The following NALCN variants were observed in gnomAD, a reference collection of about 807,000 sequenced individuals.
The protein encoded by NALCN is sodium leak channel NALCN.
NALCN carries 111 observed loss-of-function variants against 225.3 expected under a neutral mutation model. The ratio of observed to expected loss-of-function variants is 0.49; its 90% CI spans 0.42 to 0.58. NALCN has a LOEUF of 0.58. Ranked by LOEUF, NALCN falls within the 20% of genes least tolerant of loss-of-function variation. The pLI is 0.00. For synonymous variants in NALCN, 764 were observed against 769.0 expected (o/e 0.99, Z 0.11); for missense variants, 1,378 against 2,202.4 (o/e 0.63, Z 7.49).
intron 13 of NALCN, among the ~76,000 whole-genome samples, chr13:101,222,337 A>C (rs1452341698): frequency 6.6e-6 from 1 of 152,112 alleles, no homozygotes; most frequent in East Asian, 1.9e-4. Context: ...TGCAAGCCTT[A>C]CATTTAACCC....
intron 7 of NALCN, among the ~76,000 whole-genome samples, chr13:101,335,880 A>G (rs1364750793): frequency 1.3e-5 from 2 of 152,122 alleles, no homozygotes; most frequent in Non-Finnish European, 2.9e-5. Context: ...CTGATATCAC[A>G]TATGGTAGCA....
At chr13:101,404,755 A>C (rs570657179) in intron 1 of NALCN, among the ~76,000 whole-genome samples, 3 of 152,328 alleles carry the variant, frequency 2.0e-5, no homozygotes, top group African/African-American at 7.2e-5. Flanking sequence ...TTCTGTGAAC[A>C]TCATCCTCTG....
At chr13:101,369,115 T>C (rs2046464420) in intron 6 of NALCN, 1 of 231,580 alleles carries the variant, frequency 4.3e-6, no homozygotes, top group Admixed American at 5.7e-5. Flanking sequence ...TAGTTAAGCA[T>C]TTTCTTCTTA....
At chr13:101,349,555 G>T (rs1175576834) in intron 6 of NALCN, among the ~76,000 whole-genome samples, 3 of 152,186 alleles carry the variant, frequency 2.0e-5, no homozygotes, top group Non-Finnish European at 4.4e-5. Context: ...GTTGGAGAGA[G>T]ATGTGAGTAT....
In NALCN at chr13:101,121,954, C is replaced by CT. The variant is rs34912854; in HGVS notation, c.2192+2653dup. Among the ~76,000 whole-genome samples the CT allele has an allele frequency of 9.4e-3, 1,387 of 146,872 alleles. 19 individuals are homozygous for CT. The highest frequency in any genetic ancestry group is 0.032 in the African/African-American group (1,291 of 40,274). On this transcript the variant is annotated intron_variant, in intron 18 of 43. Transcript: ENST00000251127. ...TCCTGAGGTTACTGCAAATGTTTTCCTTTTTTTTTTTTTTAAAAAAAATTC... is the reference window on the plus strand; with the variant it reads ...TCCTGAGGTTACTGCAAATGTTTTCCTTTTTTTTTTTTTTTAAAAAAAATTC...
In NALCN at chr13:101,334,369, GA is replaced by G. The variant is rs879727232; in HGVS notation, c.799+10896del. ...GAGTCACAGGAGATGGGGGTAGGGG[GA>G]GCGGTAGGAGAGAGGCAATCCAGGA... is the stretch of plus-strand genomic sequence containing the variant. On this transcript the variant is annotated intron_variant, in intron 7 of 43. Transcript: ENST00000251127. Among the ~76,000 whole-genome samples, 442 of 81,240 alleles carry G rather than the reference GA, an allele frequency of 5.4e-3. 5 individuals carry two copies. The highest frequency in any genetic ancestry group is 5.7e-3 in the Non-Finnish European group (248 of 43,540). 53.3% of individuals were successfully genotyped at this position (81,240 alleles called of 152,430 possible).
intron 43 of NALCN, 109 bp downstream of exon 43, chr13:101,057,830 C>T: frequency 3.5e-6 from 3 of 853,498 alleles, no homozygotes; most frequent in Non-Finnish European, 6.0e-6. Flanking sequence ...TGTCTGTAAA[C>T]AACTGTAGAT....
chr13:101,159,830 C>T (rs750774326), intron 15 of NALCN, among the ~76,000 whole-genome samples: 4 of 151,980 alleles, frequency 2.6e-5, no homozygotes, highest in African/African-American at 4.8e-5. Flanking sequence ...GAGGGCACAC[C>T]GGATCTAAAG....
At chr13:101,163,629 G>A (rs909098592) in intron 15 of NALCN, among the ~76,000 whole-genome samples, 2 of 152,086 alleles carry the variant, frequency 1.3e-5, no homozygotes, top group Non-Finnish European at 2.9e-5. Flanking sequence ...GCAGGCTGGC[G>A]TAGGATTCCA....
At chr13:101,087,000 T>A (rs2033964911) in intron 30 of NALCN, among the ~76,000 whole-genome samples, 1 of 152,160 alleles carries the variant, frequency 6.6e-6, no homozygotes, top group South Asian at 2.1e-4. Context: ...AAAGTTGAAC[T>A]CTGAAAGGAT....
At chr13:101,068,055 A>C (rs961350506) in intron 38 of NALCN, 22 bp from the exon 39 acceptor site, 1 of 1,406,448 alleles carries the variant, frequency 7.1e-7, no homozygotes. Flanking sequence ...AGAAAAATTC[A>C]GAAGTTAGAC....
At chr13:101,299,234 A>G (rs189054189) in intron 7 of NALCN, among the ~76,000 whole-genome samples, 2 of 152,326 alleles carry the variant, frequency 1.3e-5, no homozygotes, top group African/African-American at 4.8e-5. Context: ...ATGACTGTAT[A>G]CATGCATATC....
chr13:101,216,580 AT>A (rs2040740905), intron 13 of NALCN, among the ~76,000 whole-genome samples: 1 of 152,188 alleles, frequency 6.6e-6, no homozygotes, highest in Non-Finnish European at 1.5e-5. Flanking sequence ...CAGAACAAAA[AT>A]TAAAGATTTC....
chr13:101,189,559 G>A (rs1004568586), intron 14 of NALCN, among the ~76,000 whole-genome samples: 6 of 152,158 alleles, frequency 3.9e-5, no homozygotes, highest in Admixed American at 6.6e-5. Context: ...AGAGAGATCA[G>A]GGAAGTTATG....
chr13:101,311,678 G>C (rs1316070463), intron 7 of NALCN, among the ~76,000 whole-genome samples: 1 of 152,158 alleles, frequency 6.6e-6, no homozygotes, highest in African/African-American at 2.4e-5. Flanking sequence ...ATTTGCGTAT[G>C]TTGAACCAGC....
At chr13:101,295,853 T>G (rs2043733163) in intron 7 of NALCN, among the ~76,000 whole-genome samples, 1 of 152,238 alleles carries the variant, frequency 6.6e-6, no homozygotes, top group African/African-American at 2.4e-5. Flanking sequence ...TTGCCAAACA[T>G]AGCAAAAGAA....
At chr13:101,076,596 T>A (rs2033268481) in intron 34 of NALCN, among the ~76,000 whole-genome samples, 2 of 152,186 alleles carry the variant, frequency 1.3e-5, no homozygotes, top group Admixed American at 6.5e-5. Context: ...CCTAGCCAAA[T>A]GATGACAGTC....
chr13:101,356,178 C>T (rs989743756), intron 6 of NALCN, among the ~76,000 whole-genome samples: 1 of 151,856 alleles, frequency 6.6e-6, no homozygotes, highest in Non-Finnish European at 1.5e-5. Flanking sequence ...TAGCAGAAGA[C>T]AAGAAATAAC....
intron 14 of NALCN, among the ~76,000 whole-genome samples, chr13:101,181,584 C>T (rs866504902): frequency 2.5e-5 from 2 of 80,306 alleles, no homozygotes; most frequent in African/African-American, 3.8e-5. Context: ...AAAAAAAAAA[C>T]AAAAATTAGT....
Sources: allele counts gnomAD v4.1 joint callset (sites outside exome capture counted in the v4.1 genomes callset), GRCh38; gene constraint gnomAD v4.1.1; transcripts MANE v1.5; gene names NCBI Gene and HGNC (gene_info 2026-07-23, HGNC 2026-07-21).